PNLIPRP3: variants seen among roughly 807,000 people sequenced by gnomAD.
PNLIPRP3 encodes pancreatic lipase-related protein 3.
PNLIPRP3 carries 58 observed loss-of-function variants against 52.8 expected under a neutral mutation model. The observed-to-expected ratio is 1.10, with a 90% CI of 0.89 to 1.37. The LOEUF (loss-of-function observed/expected upper bound fraction) is 1.37, where lower values mean the gene tolerates loss of function less well. Among genes scored for constraint, PNLIPRP3 ranks in the 40% most tolerant of loss-of-function variants. PNLIPRP3 has a pLI of 0.00. For synonymous variants in PNLIPRP3, 192 were observed against 185.0 expected (o/e 1.04, Z -0.31); for missense variants, 593 against 561.6 (o/e 1.06, Z -0.57).
At chr10:116,454,855 A>C (rs1846088579) in intron 4 of PNLIPRP3, among the ~76,000 whole-genome samples, 1 of 152,222 alleles carries the variant, frequency 6.6e-6, no homozygotes, top group South Asian at 2.1e-4. Flanking sequence ...GGAAGTGCAA[A>C]TATCTCTTCT....
intron 3 of PNLIPRP3, among the ~76,000 whole-genome samples, chr10:116,443,472 A>G (rs959529989): frequency 6.6e-5 from 10 of 151,290 alleles, no homozygotes; most frequent in African/African-American, 2.4e-4. Context: ...TTCCAAGTTA[A>G]CTCCATGAAA....
At chr10:116,442,098 A>G (rs563296876) in intron 2 of PNLIPRP3, among the ~76,000 whole-genome samples, 1 of 152,304 alleles carries the variant, frequency 6.6e-6, no homozygotes, top group East Asian at 1.9e-4. Context: ...AGGATTCACC[A>G]CTGTCAGACT....
rs188316104 is a variant in PNLIPRP3, at chr10:116,471,348, C to T, written c.1061-420C>T. On this transcript the variant is annotated intron_variant, in intron 9 of 11. Coordinates refer to ENST00000369230, the MANE Select transcript of PNLIPRP3 (RefSeq NM_001011709.3). The stretch of plus-strand genomic sequence containing the variant: ...GATTATAAAAGCATACATCTTCTTG[C>T]CCAATTGGTTTCCTAGATTTTTCTG... Among the ~76,000 whole-genome samples, 22 of 152,168 alleles carry T rather than the reference C, an allele frequency of 1.4e-4. No individual in the cohort carries two copies. The East Asian group carries it at 4.3e-3, about 29-fold the overall frequency.
chr10:116,454,211 TG>T (rs927224733), intron 4 of PNLIPRP3, among the ~76,000 whole-genome samples: 2 of 152,118 alleles, frequency 1.3e-5, no homozygotes, highest in African/African-American at 4.8e-5. Flanking sequence ...CTCTGCCTTC[TG>T]GGTTCAAGTG....
At chr10:116,469,902 C>G (rs922112006) in intron 9 of PNLIPRP3, among the ~76,000 whole-genome samples, 3 of 150,182 alleles carry the variant, frequency 2.0e-5, no homozygotes, top group South Asian at 2.1e-4. Context: ...ACTTTAGTTT[C>G]TGCATGGATT....
At position 116,442,908 on chromosome 10, in the gene PNLIPRP3, C is replaced by T. The variant is rs1845878051; in HGVS notation, c.205-147C>T. The T allele has an allele frequency of 1.1e-5, 5 of 444,000 alleles. No homozygotes were observed. In the East Asian group the frequency reaches 2.1e-4, roughly 19 times the overall value. The allele number at this position is 444,000 out of a possible 1,614,324, so 27.5% of individuals were successfully genotyped here. A position where few individuals can be genotyped will look rare whatever the true frequency, so the allele number is the denominator to read the frequency against. ...TTTTTGGTACTTTTATAATATGTAGCCATAACTATTTAGTAAAAATATATT... is the reference window on the plus strand; with the variant it reads ...TTTTTGGTACTTTTATAATATGTAGTCATAACTATTTAGTAAAAATATATT... On this transcript the variant is annotated intron_variant, in intron 2 of 11. Coordinates refer to ENST00000369230, the MANE Select transcript of PNLIPRP3 (RefSeq NM_001011709.3).
intron 10 of PNLIPRP3, among the ~76,000 whole-genome samples, chr10:116,475,336 T>G (rs1365606535): frequency 2.0e-5 from 3 of 152,124 alleles, no homozygotes; most frequent in African/African-American, 7.2e-5. Flanking sequence ...TAATGGGTAC[T>G]AGGCTTAATG....
intron 7 of PNLIPRP3, among the ~76,000 whole-genome samples, chr10:116,465,608 A>G (rs1438227729): frequency 6.6e-6 from 1 of 152,194 alleles, no homozygotes; most frequent in African/African-American, 2.4e-5. Flanking sequence ...TGTTCAGGAA[A>G]GACCAGGCAA....
chr10:116,444,990 G>A (rs1589979117), intron 4 of PNLIPRP3, among the ~76,000 whole-genome samples: 2 of 152,158 alleles, frequency 1.3e-5, no homozygotes, highest in Non-Finnish European at 1.5e-5. Context: ...AATAGACCTT[G>A]CTATTTATTA....
intron 5 of PNLIPRP3, among the ~76,000 whole-genome samples, chr10:116,458,148 G>T (rs1846142133): frequency 6.6e-6 from 1 of 152,104 alleles, no homozygotes; most frequent in African/African-American, 2.4e-5. Flanking sequence ...TAGTTAGGGG[G>T]TTACTCAGCT....
intron 9 of PNLIPRP3, among the ~76,000 whole-genome samples, chr10:116,470,927 G>A (rs1445238745): frequency 6.6e-6 from 1 of 152,138 alleles, no homozygotes; most frequent in Non-Finnish European, 1.5e-5. Flanking sequence ...TGAAGAAACA[G>A]TTCAACCCTT....
rs754017735 is a variant in PNLIPRP3, at chr10:116,466,075, C to A, written c.834C>A (p.Asn278Lys). 5.6e-6 allele frequency: 9 copies of A among 1,613,634 alleles called. No homozygotes were observed. The South Asian group carries it at 8.8e-5, about 16-fold the overall frequency. ...KKEMASFFDC[N>K]HARSYQFYAE... ...AAATGGCTTCCTTCTTTGACTGTAACCATGCCCGAAGTTATCAATTTTATG... is the reference window on the plus strand; with the variant it reads ...AAATGGCTTCCTTCTTTGACTGTAAACATGCCCGAAGTTATCAATTTTATG... The change falls in exon 8 of 12, where the codon AAC becomes AAA. Residue 278 changes from asparagine to lysine, a missense_variant. Physicochemically the swap from Asn to Lys is moderately conservative, Grantham distance 94. Coordinates refer to ENST00000369230, the MANE Select transcript of PNLIPRP3 (RefSeq NM_001011709.3).
At chr10:116,443,997 C>G (rs1845904281) in intron 3 of PNLIPRP3, among the ~76,000 whole-genome samples, 1 of 151,718 alleles carries the variant, frequency 6.6e-6, no homozygotes, top group Non-Finnish European at 1.5e-5. Flanking sequence ...AATTGACTCA[C>G]AGTTCAGCAT....
intron 3 of PNLIPRP3, among the ~76,000 whole-genome samples, chr10:116,443,802 CATATATATATATATAT>C (rs1200044232): frequency 1.3e-3 from 17 of 13,104 alleles, no homozygotes; most frequent in African/African-American, 1.6e-3. Flanking sequence ...TGTGTGTGTG[CATATATATATATATAT>C]ATATATATAT....
intron 7 of PNLIPRP3, among the ~76,000 whole-genome samples, chr10:116,464,750 G>A (rs1846253260): frequency 6.6e-6 from 1 of 152,238 alleles, no homozygotes; most frequent in African/African-American, 2.4e-5. Context: ...GGAGCCTTGA[G>A]GTCTAAGCCC....
intron 9 of PNLIPRP3, among the ~76,000 whole-genome samples, chr10:116,471,197 A>G (rs150242303): frequency 6.4e-4 from 97 of 152,360 alleles, no homozygotes; most frequent in African/African-American, 2.2e-3. Context: ...GTAAAAAGTC[A>G]CATTTGGCCA....
chr10:116,451,387 A>G (rs1331312412), intron 4 of PNLIPRP3, among the ~76,000 whole-genome samples: 2 of 152,234 alleles, frequency 1.3e-5, no homozygotes, highest in African/African-American at 4.8e-5. Flanking sequence ...TTTCCTGGAT[A>G]TTTCACCAAA....
chr10:116,450,236 G>A (rs1846015473), intron 4 of PNLIPRP3, among the ~76,000 whole-genome samples: 1 of 152,118 alleles, frequency 6.6e-6, no homozygotes, highest in African/African-American at 2.4e-5. Context: ...TTTGAATGTG[G>A]CCCCACACAA....
intron 7 of PNLIPRP3, among the ~76,000 whole-genome samples, chr10:116,462,113 A>G (rs1846200938): frequency 6.6e-6 from 1 of 152,186 alleles, no homozygotes; most frequent in Admixed American, 6.5e-5. Flanking sequence ...GTTACTTGTA[A>G]CAAGAATCAC....
Sources: allele counts gnomAD v4.1 joint callset (sites outside exome capture counted in the v4.1 genomes callset), GRCh38; gene constraint gnomAD v4.1.1; transcripts MANE v1.5; gene names NCBI Gene and HGNC (gene_info 2026-07-23, HGNC 2026-07-21).